Variants in POLD1 observed in about 807,000 individuals in gnomAD.
The protein encoded by POLD1 is DNA polymerase delta 1, catalytic subunit, also known as DNA polymerase delta catalytic subunit.
POLD1 carries 79 observed loss-of-function variants against 129.7 expected under a neutral mutation model. The observed-to-expected ratio is 0.61, with a 90% CI of 0.51 to 0.73. POLD1 has a LOEUF of 0.73. Ranked by LOEUF, POLD1 falls within the 30% of genes least tolerant of loss-of-function variation. The pLI, the probability that POLD1 is intolerant of heterozygous loss-of-function variation, is 0.00. For synonymous variants in POLD1, 714 were observed against 683.3 expected (o/e 1.04, Z -0.70); for missense variants, 1,338 against 1,595.8 (o/e 0.84, Z 2.75).
chr19:50,410,167 TCTG>T (rs2039042948), intron 17 of POLD1, among the ~76,000 whole-genome samples: 2 of 152,182 alleles, frequency 1.3e-5, no homozygotes, highest in Non-Finnish European at 2.9e-5. Flanking sequence ...CCACGGCAGC[TCTG>T]CTGCTTGAAC....
Position 50,402,231 on chromosome 19 carries a change from C to T in POLD1, c.616C>T (p.Pro206Ser), listed in dbSNP as rs770961852. ...CATGTTTGGGTACCACGGGCACGGC[C>T]CCTCCCCGTTCCTGCGCATCACCGT... ...ESMFGYHGHGPSPFLRITVAL... is the reference protein window; with the variant it reads ...ESMFGYHGHGSSPFLRITVAL... Residue 206 changes from proline to serine, a missense_variant, in exon 6 of 27, where the codon CCC becomes TCC. Pro to Ser is a moderately conservative substitution (Grantham distance 74). This residue lies in a region of POLD1 where 332 missense variants were observed against 315.7 expected (regional missense o/e 1.05). Coordinates refer to ENST00000440232, the MANE Select transcript of POLD1 (RefSeq NM_002691.4). 6.3e-7 allele frequency: 1 copy of T among 1,589,952 alleles called. No homozygotes were observed. The highest frequency in any genetic ancestry group is 8.6e-7 in the Non-Finnish European group (1 of 1,167,102).
At position 50,408,803 on chromosome 19, in the gene POLD1, C is replaced by T. The variant is rs369152704; in HGVS notation, c.1794C>T (p.Ile598=). The change falls in exon 15 of 27, where the codon ATC becomes ATT. Residue 598 remains isoleucine (I), a synonymous_variant. Transcript: ENST00000440232. ...CTCCCAGGTACTACGACGTCCCCAT[C>T]GCCACCCTGGACTTCTCCTCGCTGT... is the stretch of plus-strand genomic sequence containing the variant. ...EPLKGYYDVP[I]ATLDFSSLYP... The T allele has an allele frequency of 1.9e-5, 31 of 1,613,802 alleles. No individual in the cohort carries two copies. The highest frequency in any genetic ancestry group is 5.5e-5 in the South Asian group (5 of 91,090).
chr19:50,395,593 A>C (rs1350548790), intron 1 of POLD1, among the ~76,000 whole-genome samples: 1 of 152,064 alleles, frequency 6.6e-6, no homozygotes, highest in African/African-American at 2.4e-5. Flanking sequence ...CCAAAAAAAA[A>C]AAAAAATAGT....
intron 17 of POLD1, among the ~76,000 whole-genome samples, chr19:50,412,669 A>G (rs2039126193): frequency 6.6e-6 from 1 of 151,990 alleles, no homozygotes; most frequent in African/African-American, 2.4e-5. Flanking sequence ...AAACAGAAGA[A>G]TCACACCCAT....
intron 20 of POLD1, among the ~76,000 whole-genome samples, 195 bp downstream of exon 20, chr19:50,415,185 C>T (rs1193731742): frequency 6.6e-6 from 1 of 152,198 alleles, no homozygotes; most frequent in African/African-American, 2.4e-5. Flanking sequence ...GACCCCCAGC[C>T]CCTCCTCCTC....
At chr19:50,414,218 C>CT (rs1406103833) in intron 19 of POLD1, among the ~76,000 whole-genome samples, 1 of 152,254 alleles carries the variant, frequency 6.6e-6, no homozygotes, top group African/African-American at 2.4e-5. Flanking sequence ...CCCTGGCCCT[C>CT]TGAGTGCGGC....
intron 1 of POLD1, among the ~76,000 whole-genome samples, chr19:50,393,758 T>C (rs2038247609): frequency 6.6e-6 from 1 of 152,136 alleles, no homozygotes; most frequent in South Asian, 2.1e-4. Context: ...TCAAAACATT[T>C]CATCACCCCT....
At chr19:50,416,076 T>A in intron 22 of POLD1, 2 of 565,440 alleles carry the variant, frequency 3.5e-6, no homozygotes, top group Non-Finnish European at 6.2e-6. Flanking sequence ...CAGCCGGGGG[T>A]TCCCTTGGAT....
In POLD1 at chr19:50,413,511, C is replaced by A. The variant is rs1226705173; in HGVS notation, c.2240C>A (p.Thr747Asn). 6.2e-7 allele frequency: 1 copy of A among 1,609,568 alleles called. No individual in the cohort carries two copies. Among genetic ancestry groups the A allele is most frequent in the African/African-American group, 1.3e-5 (1 of 74,864 alleles). The change falls in exon 18 of 27, where the codon ACC becomes AAC. Residue 747 changes from threonine (T) to asparagine (N), a missense_variant. By Grantham distance (65) the Thr-to-Asn change is moderately conservative. Around this residue, in one of 3 missense-constraint regions of POLD1, gnomAD observed 720 missense variants for 1,002.6 expected, o/e 0.72. Transcript: ENST00000440232. ...TACACAGTGGAGAATGGCTACAGCA[C>A]CAGTGCCAAGGTCGGGGGCTGCCCA... ...SKYTVENGYS[T>N]SAKVVYGDTD...
At chr19:50,389,829 G>T (rs1188263432) in intron 1 of POLD1, among the ~76,000 whole-genome samples, 1 of 149,096 alleles carries the variant, frequency 6.7e-6, no homozygotes, top group South Asian at 2.1e-4. Flanking sequence ...CAGGTGATCC[G>T]CCCGCCTTGG....
chr19:50,417,302 G>A (rs1207723349), intron 26 of POLD1, 33 bp downstream of exon 26: 30 of 1,463,382 alleles, frequency 2.1e-5, no homozygotes, highest in Admixed American at 7.7e-5. Flanking sequence ...GGGCTGCCCC[G>A]CCCCTTCCCA....
chr19:50,403,258 C>T, intron 9 of POLD1, 39 bp downstream of exon 9: 1 of 1,506,396 alleles, frequency 6.6e-7, no homozygotes, highest in Non-Finnish European at 8.9e-7. Flanking sequence ...TTCCCGGGGT[C>T]CCCGCCAGCC....
At chr19:50,395,908 G>T (rs1490341015) in intron 1 of POLD1, among the ~76,000 whole-genome samples, 1 of 91,386 alleles carries the variant, frequency 1.1e-5, no homozygotes. Context: ...TTTTGAGACA[G>T]GGTATTGCCA....
intron 10 of POLD1, among the ~76,000 whole-genome samples, chr19:50,405,016 C>T (rs2038822450): frequency 1.3e-5 from 2 of 152,066 alleles, no homozygotes; most frequent in African/African-American, 4.8e-5. Flanking sequence ...CTGCCCACTT[C>T]GGCCTCCCAA....
At chr19:50,395,519 G>A (rs912016343) in intron 1 of POLD1, among the ~76,000 whole-genome samples, 8 of 151,814 alleles carry the variant, frequency 5.3e-5, no homozygotes, top group Admixed American at 3.3e-4. Context: ...GGGAGGCGGA[G>A]CTTGCAGTGA....
At chr19:50,394,776 C>T (rs2038286843) in intron 1 of POLD1, among the ~76,000 whole-genome samples, 3 of 152,140 alleles carry the variant, frequency 2.0e-5, no homozygotes, top group Admixed American at 1.3e-4. Context: ...TAGGATCTGC[C>T]CTAGGTTCCA....
At chr19:50,404,407 C>T (rs569593574) in intron 10 of POLD1, among the ~76,000 whole-genome samples, 11 of 148,480 alleles carry the variant, frequency 7.4e-5, no homozygotes, top group Admixed American at 1.3e-4. Context: ...GGACTACAGG[C>T]GCCCGCCACC....
intron 8 of POLD1, 37 bp downstream of exon 8, chr19:50,402,778 G>A (rs2038710266): frequency 6.4e-7 from 1 of 1,558,024 alleles, no homozygotes; most frequent in African/African-American, 1.4e-5. Flanking sequence ...CCGCCTCATT[G>A]ATGTGCCAAG....
intron 14 of POLD1, 130 bp downstream of exon 14, chr19:50,407,545 T>C: frequency 2.5e-6 from 1 of 407,068 alleles, no homozygotes; most frequent in Non-Finnish European, 4.3e-6. Flanking sequence ...CAAAATTTTT[T>C]TATTTTTATT....
Sources: allele counts gnomAD v4.1 joint callset (sites outside exome capture counted in the v4.1 genomes callset), GRCh38; gene constraint gnomAD v4.1.1; regional missense constraint gnomAD v4.1.1; transcripts MANE v1.5; gene names NCBI Gene and HGNC (gene_info 2026-07-23, HGNC 2026-07-21).